The following STAT1 variants were observed in gnomAD, a reference collection of about 807,000 sequenced individuals.
STAT1 encodes the protein signal transducer and activator of transcription 1-alpha/beta.
Under a neutral mutation model 111.7 loss-of-function variants are expected in STAT1, and 24 were observed. That is an observed-to-expected ratio of 0.21 (90% CI 0.16 to 0.30). STAT1 has a LOEUF of 0.30. STAT1 is among the 10% of genes least tolerant of loss of function. STAT1 has a pLI of 1.00. For missense variants in STAT1, 351 were observed against 911.9 expected, an observed-to-expected ratio of 0.38 and a Z score of 7.92; for synonymous variants, 332 against 326.5, an observed-to-expected ratio of 1.02 and a Z score of -0.18.
chr2:190,984,448 C>T lies in STAT1; in HGVS notation c.1264-55G>A, dbSNP rs1433424448. ...ATATAATTATTCACAGATCCTAAAA[C>T]TTTCAAAAGCCCAATTAACATTGCA... On this transcript the variant is annotated intron_variant, in intron 15 of 24. Transcript: ENST00000361099. The surrounding 1 kb of genome is among the most constrained non-coding windows in gnomAD (Gnocchi z 5.2). The T allele has an allele frequency of 1.8e-5, 27 of 1,507,530 alleles. No individual in the cohort carries two copies. The Admixed American group carries it at 4.0e-4, about 22-fold the overall frequency. The allele number at this position is 1,507,530 out of a possible 1,614,324, so 93.4% of individuals were successfully genotyped here.
At chr2:191,008,646 T>A (rs1694887842) in intron 4 of STAT1, among the ~76,000 whole-genome samples, 1 of 152,262 alleles carries the variant, frequency 6.6e-6, no homozygotes. Flanking sequence ...TCTTAAAATG[T>A]AGCCCCTTTT....
rs1251752710 is a variant in STAT1 at position 190,990,645 on chromosome 2, A to C, written c.1037+583T>G. ...AATATTTGTGTAGACATGGAATCCT[A>C]ATTTTTTAAAAAGGAAACATTATGT... On this transcript the variant is annotated intron_variant, in intron 11 of 24. Transcript: ENST00000361099. This position sits in a 1 kb window ranked among gnomAD's most constrained non-coding sequence, Gnocchi z 5.1. Among the ~76,000 whole-genome samples the C allele has an allele frequency of 2.0e-5, 3 of 152,108 alleles. No homozygotes were observed. The highest frequency in any genetic ancestry group is 7.2e-5 in the African/African-American group (3 of 41,408).
Position 190,998,591 on chromosome 2 carries a change from GGC to G in STAT1, c.542-285_542-284del, listed in dbSNP as rs1281536871. 6.6e-6 allele frequency among the ~76,000 whole-genome samples: 1 copy of G among 151,814 alleles called. No homozygotes were observed. The highest frequency in any genetic ancestry group is 1.9e-4 in the East Asian group (1 of 5,174). On this transcript the variant is annotated intron_variant, in intron 7 of 24. Transcript: ENST00000361099. The surrounding 1 kb of genome is among the most constrained non-coding windows in gnomAD (Gnocchi z 4.1). ...GCAGGAGAACAGCATGAACCCGGGA[GGC>G]GGAGCTTGGAGTGAGCCGAGATCTC...
chr2:191,010,878 C>T (rs1320390779), intron 2 of STAT1, among the ~76,000 whole-genome samples: 1 of 152,118 alleles, frequency 6.6e-6, no homozygotes, highest in Non-Finnish European at 1.5e-5. Flanking sequence ...AAAATCACAA[C>T]AAAAACTTGA....
At position 191,007,980 on chromosome 2, in the gene STAT1, C is replaced by T. The variant is rs563951754; in HGVS notation, c.274-319G>A. ...GGCCAATTATCTTTGGTTAGGATCC[C>T]GAGACAATGCAAATGATATAAAAAC... is the stretch of plus-strand genomic sequence containing the variant. On this transcript the variant is annotated intron_variant, in intron 4 of 24. Transcript: ENST00000361099. This position sits in a 1 kb window ranked among gnomAD's most constrained non-coding sequence, Gnocchi z 4.2. 1.6e-4 allele frequency: 74 copies of T among 476,542 alleles called. No homozygotes were observed. Among genetic ancestry groups the T allele is most frequent in the South Asian group, 1.0e-3 (65 of 64,168 alleles). The allele number at this position is 476,542 out of a possible 1,614,324, so 29.5% of individuals were successfully genotyped here.
chr2:190,975,882 C>G lies in STAT1; in HGVS notation c.2065G>C (p.Glu689Gln). The G allele has an allele frequency of 6.2e-7, 1 of 1,613,702 alleles. No individual in the cohort carries two copies. Among genetic ancestry groups the G allele is most frequent in the Admixed American group, 1.7e-5 (1 of 60,018 alleles). Residue 689 changes from glutamate (E) to glutamine (Q), a missense_variant, in exon 23 of 25, where the codon GAG becomes CAG. Physicochemically the swap from Glu to Gln is conservative, Grantham distance 29 (BLOSUM62 2). This residue lies in a region of STAT1 where 181 missense variants were observed against 426.1 expected (regional missense o/e 0.42). Transcript: ENST00000361099. This position sits in a 1 kb window ranked among gnomAD's most constrained non-coding sequence, Gnocchi z 5.9. ...TTAGGGCCATCAAGTTCCATTGGCT[C>G]TGGTGCTAGAAATAAACACATTGTG... ...KYYSRPKEAP[E>Q]PMELDGPKGT... is the part of the protein sequence containing the mutation.
In STAT1 at chr2:190,983,866, A is replaced by C; in HGVS notation, c.1348-126T>G. On this transcript the variant is annotated intron_variant, in intron 16 of 24. Transcript: ENST00000361099. This position sits in a 1 kb window ranked among gnomAD's most constrained non-coding sequence, Gnocchi z 5.7. ...TGTACATATTTAATACTTGAAAATG[A>C]GAAGTGTTAAGTTCTGTTCTTCTGT... 8.7e-6 allele frequency: 7 copies of C among 804,892 alleles called. No individual in the cohort carries two copies. The South Asian group carries it at 1.0e-4, about 12-fold the overall frequency. The allele number at this position is 804,892 out of a possible 1,614,324, so 49.9% of individuals were successfully genotyped here.
Position 190,973,763 on chromosome 2 carries a change from C to T in STAT1, c.2238+1067G>A, listed in dbSNP as rs946766625. On this transcript the variant is annotated intron_variant, in intron 24 of 24. Transcript: ENST00000361099. This position sits in a 1 kb window ranked among gnomAD's most constrained non-coding sequence, Gnocchi z 4.4. ...AACTGTTTTTCTAAATGGCCTATTT[C>T]GTCAACAACAATCAGGAAAGTGTAG... 5.9e-5 allele frequency among the ~76,000 whole-genome samples: 9 copies of T among 152,112 alleles called. No individual in the cohort carries two copies. Among genetic ancestry groups the T allele is most frequent in the Admixed American group, 5.2e-4 (8 of 15,274 alleles).
rs765957585 is a variant in STAT1 at position 191,008,963 on chromosome 2, C to T, written c.273G>A (p.Gln91=). The T allele has an allele frequency of 6.2e-7, 1 of 1,613,652 alleles. No homozygotes were observed. Among genetic ancestry groups the T allele is most frequent in the East Asian group, 2.2e-5 (1 of 44,848 alleles). ...HNIRKSKRNL[Q]DNFQEDPIQM... is the part of the protein sequence containing the mutation. ...CTAAAATACAAAAACCAGGTCATAC[C>T]TGAAGATTACGCTTGCTTTTCCTTA... The change falls in exon 4 of 25, where the codon CAG becomes CAA. Residue 91 remains glutamine, a splice_region_variant and synonymous_variant. Coordinates refer to ENST00000361099, the MANE Select transcript of STAT1 (RefSeq NM_007315.4).
rs953904335 is a variant in STAT1, at chr2:191,012,670, C to A, written c.-2+855G>T. Among the ~76,000 whole-genome samples, 1 of 152,166 alleles carries A rather than the reference C, an allele frequency of 6.6e-6. No homozygotes were observed. The highest frequency in any genetic ancestry group is 2.4e-5 in the African/African-American group (1 of 41,430). Reference sequence around the variant, plus strand: ...CACATCAATCTCCTGTGCAAAAATCCTATGATCTGTCCATTCCTAGGCAGA... The same window carrying A: ...CACATCAATCTCCTGTGCAAAAATCATATGATCTGTCCATTCCTAGGCAGA... On this transcript the variant is annotated intron_variant, in intron 2 of 24. Transcript: ENST00000361099. The surrounding 1 kb of genome is among the most constrained non-coding windows in gnomAD (Gnocchi z 4.0).
In STAT1 at chr2:190,999,227, C is replaced by T. The variant is rs542832502; in HGVS notation, c.541+399G>A. Among the ~76,000 whole-genome samples the T allele has an allele frequency of 2.4e-4, 36 of 152,274 alleles. No homozygotes were observed. Among genetic ancestry groups the T allele is most frequent in the African/African-American group, 8.4e-4 (35 of 41,554 alleles). ...GGGCAGGGGAACTCCACATATCTAT[C>T]GCTCTGTGTCAGTCAGTGGGCTAGG... On this transcript the variant is annotated intron_variant, in intron 7 of 24. Coordinates refer to ENST00000361099, the MANE Select transcript of STAT1 (RefSeq NM_007315.4). This position sits in a 1 kb window ranked among gnomAD's most constrained non-coding sequence, Gnocchi z 4.1.
chr2:190,997,585 C>T lies in STAT1; in HGVS notation c.785+271G>A, dbSNP rs1382862188. Among the ~76,000 whole-genome samples the T allele has an allele frequency of 2.6e-5, 4 of 152,122 alleles. No homozygotes were observed. Among genetic ancestry groups the T allele is most frequent in the African/African-American group, 4.8e-5 (2 of 41,432 alleles). ...TCAAGTCATTAAATGTGTTCTATAA[C>T]GACCATGTCACTGATGTTTTGTACA... On this transcript the variant is annotated intron_variant, in intron 9 of 24. Transcript: ENST00000361099. The surrounding 1 kb of genome is among the most constrained non-coding windows in gnomAD (Gnocchi z 7.3).
rs529616904 is a variant in STAT1, at chr2:190,990,205, T to C, written c.1038-531A>G. Among the ~76,000 whole-genome samples, 6 of 152,244 alleles carry C rather than the reference T, an allele frequency of 3.9e-5. No individual in the cohort carries two copies. The highest frequency in any genetic ancestry group is 8.8e-5 in the Non-Finnish European group (6 of 67,990). ...CCTCTGCTCCACTGAGCTGGAGACT[T>C]TGAGAAGGAGACCCCGGGGCTCTGT... On this transcript the variant is annotated intron_variant, in intron 11 of 24. Coordinates refer to ENST00000361099, the MANE Select transcript of STAT1 (RefSeq NM_007315.4). The surrounding 1 kb of genome is among the most constrained non-coding windows in gnomAD (Gnocchi z 5.1).
intron 1 of STAT1, 117 bp from the exon 2 acceptor site, chr2:191,013,795 T>G (rs1338707551): frequency 2.5e-6 from 1 of 396,978 alleles, no homozygotes; most frequent in East Asian, 3.6e-5. Context: ...TCCTCTTCAC[T>G]GCCAGAGCAC....
rs1452326517 is a variant in STAT1 at position 190,998,528 on chromosome 2, G to T, written c.542-220C>A. ...TTTTCAAAAATTAGCCGGGCGCAGTGGCAGACGCCTGTAGTCCCAGCTACT... is the reference window on the plus strand; with the variant it reads ...TTTTCAAAAATTAGCCGGGCGCAGTTGCAGACGCCTGTAGTCCCAGCTACT... On this transcript the variant is annotated intron_variant, in intron 7 of 24. Transcript: ENST00000361099. The surrounding 1 kb of genome is among the most constrained non-coding windows in gnomAD (Gnocchi z 4.1). Among the ~76,000 whole-genome samples, 4 of 152,068 alleles carry T rather than the reference G, an allele frequency of 2.6e-5. No individual in the cohort carries two copies. The highest frequency in any genetic ancestry group is 5.9e-5 in the Non-Finnish European group (4 of 68,018).
At position 190,990,443 on chromosome 2, in the gene STAT1, A is replaced by T. The variant is rs981723923; in HGVS notation, c.1038-769T>A. ...TCTTCAGCGTCTAGCTACTCATCAT[A>T]AGAAGAATGCTTAAAGCAATGCAGC... On this transcript the variant is annotated intron_variant, in intron 11 of 24. Coordinates refer to ENST00000361099, the MANE Select transcript of STAT1 (RefSeq NM_007315.4). The surrounding 1 kb of genome is among the most constrained non-coding windows in gnomAD (Gnocchi z 5.1). 6.6e-6 allele frequency among the ~76,000 whole-genome samples: 1 copy of T among 152,236 alleles called. No homozygotes were observed. Among genetic ancestry groups the T allele is most frequent in the Admixed American group, 6.5e-5 (1 of 15,292 alleles).
In STAT1 at chr2:191,009,077, G is replaced by A. The variant is rs1694925548; in HGVS notation, c.159C>T (p.Ala53=). 6.2e-7 allele frequency: 1 copy of A among 1,614,016 alleles called. No homozygotes were observed. Among genetic ancestry groups the A allele is most frequent in the Non-Finnish European group, 8.5e-7 (1 of 1,179,956 alleles). ...WEHAANDVSF[A]TIRFHDLLSQ... ...ACAGGAGGTCATGAAAACGGATGGTGGCAAATGAAACATCATTGGCAGCGT... is the reference window on the plus strand; with the variant it reads ...ACAGGAGGTCATGAAAACGGATGGTAGCAAATGAAACATCATTGGCAGCGT... The change falls in exon 4 of 25, where the codon GCC becomes GCT. Residue 53 remains alanine, a synonymous_variant. Coordinates refer to ENST00000361099, the MANE Select transcript of STAT1 (RefSeq NM_007315.4).
At position 190,998,362 on chromosome 2, in the gene STAT1, G is replaced by T; in HGVS notation, c.542-54C>A. The T allele has an allele frequency of 7.2e-7, 1 of 1,383,930 alleles. No individual in the cohort carries two copies. Among genetic ancestry groups the T allele is most frequent in the Non-Finnish European group, 1.0e-6 (1 of 974,456 alleles). The allele number at this position is 1,383,930 out of a possible 1,614,324, so 85.7% of individuals were successfully genotyped here. A position where few individuals can be genotyped will look rare whatever the true frequency, so the allele number is the denominator to read the frequency against. On this transcript the variant is annotated intron_variant, in intron 7 of 24. Transcript: ENST00000361099. This position sits in a 1 kb window ranked among gnomAD's most constrained non-coding sequence, Gnocchi z 4.1. ...TATAAAGAAGACAAAACCAACAAAA[G>T]CCAAGATTCATATAAATTTAGGATA...
At position 190,974,987 on chromosome 2, in the gene STAT1, A is replaced by G. The variant is rs1446921015; in HGVS notation, c.2136-55T>C. On this transcript the variant is annotated intron_variant, in intron 23 of 24. Transcript: ENST00000361099. The surrounding 1 kb of genome is among the most constrained non-coding windows in gnomAD (Gnocchi z 4.8). ...TCAACATCTGAGTGATGAAAGCACT[A>G]GTGCATACTTACACACTTTATCTTT... 1 of 1,260,394 alleles carries G rather than the reference A, an allele frequency of 7.9e-7. No homozygotes were observed. Among genetic ancestry groups the G allele is most frequent in the Non-Finnish European group, 1.2e-6 (1 of 863,006 alleles). 78.1% of individuals were successfully genotyped at this position (1,260,394 alleles called of 1,614,324 possible).
Sources: gnomAD v4.1 joint callset for allele counts (sites outside exome capture counted in the v4.1 genomes callset) on GRCh38, gnomAD v4.1.1 for gene constraint, gnomAD v4.1.1 regional missense constraint, Gnocchi (gnomAD v3.1) non-coding constraint, MANE v1.5 for transcripts, NCBI Gene and HGNC (gene_info 2026-07-23, HGNC 2026-07-21) for gene names.